ACTR3C: variants seen among roughly 807,000 people sequenced by gnomAD.
ACTR3C encodes the protein actin-related protein 3C.
ACTR3C carries 18 observed loss-of-function variants against 26.3 expected under a neutral mutation model. The observed-to-expected ratio is 0.68, with a 90% CI of 0.47 to 1.01. The LOEUF is 1.01. Ranked by LOEUF, ACTR3C falls within the 50% of genes least tolerant of loss-of-function variation. ACTR3C has a pLI of 0.00. For missense variants in ACTR3C, 184 were observed against 250.7 expected (o/e 0.73, Z 1.80); for synonymous variants, 55 against 94.5 (o/e 0.58, Z 2.42).
the ACTR3C span, among the ~76,000 whole-genome samples, chr7:150,220,695 T>G: frequency 1.1e-3 from 175 of 152,312 alleles, no homozygotes; most frequent in African/African-American, 4.1e-3. Context: ...CTAGGCTCTT[T>G]CCTGCGCAAG....
At chr7:150,138,426 T>C in the ACTR3C span, among the ~76,000 whole-genome samples, 1 of 152,178 alleles carries the variant, frequency 6.6e-6, no homozygotes, top group Non-Finnish European at 1.5e-5. Context: ...AAATAGGCCA[T>C]TGGAGCACAA....
chr7:150,038,811 C>T, the ACTR3C span, among the ~76,000 whole-genome samples: 659 of 142,140 alleles, frequency 4.6e-3, 61 homozygotes, highest in African/African-American at 0.017. Flanking sequence ...GGGGTGCCTC[C>T]CCCCTCTGCG....
chr7:150,067,556 C>CTGGGCA, the ACTR3C span, among the ~76,000 whole-genome samples: 1 of 151,940 alleles, frequency 6.6e-6, no homozygotes, highest in African/African-American at 2.4e-5. Flanking sequence ...TTGTGGGGTA[C>CTGGGCA]ATAAAAATAA....
chr7:150,083,690 T>A, the ACTR3C span, among the ~76,000 whole-genome samples: 3 of 152,258 alleles, frequency 2.0e-5, no homozygotes, highest in Non-Finnish European at 4.4e-5. Flanking sequence ...TCTCCTCTGA[T>A]GCTCTTGGCT....
At chr7:150,279,094 G>C (rs1302629386) in intron 6 of ACTR3C, among the ~76,000 whole-genome samples, 1 of 152,150 alleles carries the variant, frequency 6.6e-6, no homozygotes, top group Non-Finnish European at 1.5e-5. Flanking sequence ...CTTGAGGCCA[G>C]GCGTTTAAGA....
chr7:150,033,431 G>T, the ACTR3C span, among the ~76,000 whole-genome samples: 12 of 152,168 alleles, frequency 7.9e-5, no homozygotes, highest in African/African-American at 2.4e-4. Context: ...TTTTATTAGG[G>T]TTTCATGCAG....
At chr7:149,932,177 T>G in the ACTR3C span, among the ~76,000 whole-genome samples, 1 of 152,172 alleles carries the variant, frequency 6.6e-6, no homozygotes, top group African/African-American at 2.4e-5. Context: ...TTTAGATATA[T>G]TCTATAACAC....
chr7:150,175,679 G>A, the ACTR3C span, among the ~76,000 whole-genome samples: 1,770 of 148,602 alleles, frequency 0.012, 163 homozygotes, highest in African/African-American at 0.044. Context: ...GGATGTGGTG[G>A]TGGGCACCTG....
chr7:150,006,298 A>G, the ACTR3C span, among the ~76,000 whole-genome samples: 10 of 151,734 alleles, frequency 6.6e-5, no homozygotes, highest in South Asian at 2.1e-4. Context: ...CTGGGTTCAC[A>G]GCATTCTCCT....
chr7:150,191,866 A>G, the ACTR3C span, among the ~76,000 whole-genome samples: 1 of 152,254 alleles, frequency 6.6e-6, no homozygotes, highest in Non-Finnish European at 1.5e-5. Context: ...TAACTTGTTT[A>G]TAGAAACCCT....
At chr7:150,158,943 G>A in the ACTR3C span, among the ~76,000 whole-genome samples, 3 of 142,338 alleles carry the variant, frequency 2.1e-5, no homozygotes, top group South Asian at 4.6e-4. Context: ...GCAGACACAC[G>A]GGCACACACA....
chr7:149,947,084 G>A, the ACTR3C span, among the ~76,000 whole-genome samples: 1 of 151,644 alleles, frequency 6.6e-6, no homozygotes, highest in African/African-American at 2.4e-5. Context: ...CCACAATCCC[G>A]GCTTCCCCAT....
At chr7:149,996,228 T>G in the ACTR3C span, among the ~76,000 whole-genome samples, 1 of 150,218 alleles carries the variant, frequency 6.7e-6, no homozygotes, top group East Asian at 1.9e-4. Context: ...AGGGACGGAG[T>G]AAAGGAGGGG....
At chr7:149,964,539 C>A in the ACTR3C span, among the ~76,000 whole-genome samples, 125 of 152,256 alleles carry the variant, frequency 8.2e-4, no homozygotes, top group Middle Eastern at 3.4e-3. Flanking sequence ...CAGCTTGCAG[C>A]GTGAGCAGTG....
intron 4 of ACTR3C, 57 bp downstream of exon 4, chr7:150,289,393 T>G (rs1182768455): frequency 2.0e-6 from 3 of 1,496,438 alleles, no homozygotes; most frequent in Non-Finnish European, 2.7e-6. Context: ...CAAGGGGAAG[T>G]GTCCAGAACA....
At chr7:149,906,435 T>C in the ACTR3C span, among the ~76,000 whole-genome samples, 4 of 100,282 alleles carry the variant, frequency 4.0e-5, no homozygotes, top group Non-Finnish European at 8.9e-5. Context: ...TTTTTTTTTT[T>C]TTTTTTTTTT....
At chr7:150,042,464 G>T in the ACTR3C span, among the ~76,000 whole-genome samples, 2 of 145,690 alleles carry the variant, frequency 1.4e-5, no homozygotes, top group African/African-American at 5.0e-5. Context: ...AGAGCCAGGG[G>T]AGGAAAGGGG....
the ACTR3C span, among the ~76,000 whole-genome samples, chr7:150,019,630 A>T: frequency 6.1e-5 from 9 of 148,704 alleles, no homozygotes; most frequent in East Asian, 1.6e-3. Flanking sequence ...TAATAATAAT[A>T]ATAAAATCTA....
At chr7:149,971,108 A>C in the ACTR3C span, among the ~76,000 whole-genome samples, 3 of 152,232 alleles carry the variant, frequency 2.0e-5, no homozygotes, top group Non-Finnish European at 4.4e-5. Context: ...GGAGGCCAGA[A>C]GATGATCTGT....
Sources: gnomAD v4.1 joint callset for allele counts (sites outside exome capture counted in the v4.1 genomes callset) on GRCh38, gnomAD v4.1.1 for gene constraint, MANE v1.5 for transcripts, NCBI Gene and HGNC (gene_info 2026-07-23, HGNC 2026-07-21) for gene names.